The following PDE1C variants were observed in gnomAD, a reference collection of about 807,000 sequenced individuals.
PDE1C encodes the protein dual specificity calcium/calmodulin-dependent 3',5'-cyclic nucleotide phosphodiesterase 1C.
PDE1C carries 62 observed loss-of-function variants against 93.1 expected under a neutral mutation model. The ratio of observed to expected loss-of-function variants is 0.67; its 90% CI spans 0.54 to 0.82. The LOEUF is 0.82. PDE1C is among the 40% of genes least tolerant of loss of function. PDE1C has a pLI of 0.00. For missense variants in PDE1C, 742 were observed against 884.6 expected, an observed-to-expected ratio of 0.84 and a Z score of 2.04; for synonymous variants, 325 against 310.1, an observed-to-expected ratio of 1.05 and a Z score of -0.50.
intron 15 of PDE1C, among the ~76,000 whole-genome samples, chr7:31,811,096 A>G (rs1346464271): frequency 1.3e-5 from 2 of 152,118 alleles, no homozygotes; most frequent in Non-Finnish European, 2.9e-5. Context: ...TGTGGGAGGA[A>G]CCCAGTGGAA....
At chr7:31,665,311 A>G in the PDE1C span, among the ~76,000 whole-genome samples, 6 of 152,088 alleles carry the variant, frequency 3.9e-5, no homozygotes, top group African/African-American at 1.4e-4. Flanking sequence ...TCCTACACAC[A>G]TCTCTGCACA....
At chr7:31,749,481 G>T (rs779219342), downstream of PDE1C, among the ~76,000 whole-genome samples, 1 of 152,298 alleles carries the variant, frequency 6.6e-6, no homozygotes, top group South Asian at 2.1e-4. Flanking sequence ...GTTTGTCAGG[G>T]TGAGCTCACA....
chr7:32,350,104 C>CTTCCTT (rs397698767), intron 1 of PDE1C, among the ~76,000 whole-genome samples: 2 of 151,404 alleles, frequency 1.3e-5, no homozygotes, highest in African/African-American at 4.9e-5. Context: ...TCTTCTTCTT[C>CTTCCTT]CTTCTTCTTT....
At chr7:32,237,681 G>T (rs1217155999) in intron 1 of PDE1C, among the ~76,000 whole-genome samples, 1 of 147,588 alleles carries the variant, frequency 6.8e-6, no homozygotes, top group Non-Finnish European at 1.5e-5. Context: ...AGGTGAACAT[G>T]AGAATTCCCT....
At chr7:31,654,914 A>G in the PDE1C span, among the ~76,000 whole-genome samples, 1 of 152,038 alleles carries the variant, frequency 6.6e-6, no homozygotes, top group Non-Finnish European at 1.5e-5. Context: ...AAAGCCTTTG[A>G]CTCAGCGGGG....
chr7:32,105,703 T>G (rs1282330692), intron 3 of PDE1C, among the ~76,000 whole-genome samples: 2 of 34,322 alleles, frequency 5.8e-5, no homozygotes, highest in Non-Finnish European at 1.3e-4. Flanking sequence ...ACATCTGACT[T>G]TTTTTTTTTT....
the PDE1C span, chr7:31,653,393 C>T: frequency 6.5e-6 from 1 of 152,798 alleles, no homozygotes; most frequent in Non-Finnish European, 1.4e-5. Flanking sequence ...TGGATCTGCA[C>T]TTTTACAGAA....
the PDE1C span, among the ~76,000 whole-genome samples, chr7:31,665,533 A>G: frequency 6.6e-6 from 1 of 152,320 alleles, no homozygotes; most frequent in African/African-American, 2.4e-5. Context: ...TAATCAATCA[A>G]TATATTAACA....
intron 1 of PDE1C, among the ~76,000 whole-genome samples, chr7:32,261,729 C>T (rs62457468): frequency 0.12 from 17,837 of 152,206 alleles, 1,204 homozygotes; most frequent in African/African-American, 0.16. Context: ...TGTCTATAAA[C>T]GTTATAGTTA....
intron 1 of PDE1C, among the ~76,000 whole-genome samples, chr7:32,331,769 C>T (rs1374186726): frequency 6.6e-6 from 1 of 152,152 alleles, no homozygotes; most frequent in Non-Finnish European, 1.5e-5. Context: ...GGAAATAACT[C>T]CCAAGTTTGG....
intron 3 of PDE1C, among the ~76,000 whole-genome samples, chr7:32,127,196 A>G (rs1346928033): frequency 6.6e-6 from 1 of 152,138 alleles, no homozygotes; most frequent in Non-Finnish European, 1.5e-5. Flanking sequence ...GAATAATACC[A>G]TCTGCTCTCT....
chr7:32,182,145 G>A (rs1411943153), intron 2 of PDE1C, among the ~76,000 whole-genome samples: 3 of 152,176 alleles, frequency 2.0e-5, no homozygotes, highest in African/African-American at 4.8e-5. Context: ...CTCTGAAGTT[G>A]AGGCAATAAT....
intron 1 of PDE1C, among the ~76,000 whole-genome samples, chr7:32,421,223 C>G (rs892553997): frequency 2.6e-5 from 4 of 152,208 alleles, no homozygotes; most frequent in African/African-American, 9.6e-5. Flanking sequence ...CCTGAACCCT[C>G]TAAGGCCACA....
intron 6 of PDE1C, among the ~76,000 whole-genome samples, 171 bp from the exon 7 acceptor site, chr7:31,865,253 C>A (rs923737368): frequency 1.3e-5 from 2 of 152,172 alleles, no homozygotes; most frequent in African/African-American, 2.4e-5. Context: ...ATTTGAAAAT[C>A]TAACAGGAAG....
intron 2 of PDE1C, among the ~76,000 whole-genome samples, chr7:31,915,282 T>A (rs370462116): frequency 2.0e-5 from 3 of 152,138 alleles, no homozygotes; most frequent in East Asian, 3.9e-4. Context: ...CCTAAATGCG[T>A]TCCAGCAGCC....
At chr7:32,184,056 A>T (rs200681516) in intron 2 of PDE1C, among the ~76,000 whole-genome samples, 1 of 152,248 alleles carries the variant, frequency 6.6e-6, no homozygotes, top group Non-Finnish European at 1.5e-5. Context: ...AATGCTCATC[A>T]TCACTGGCCA....
intron 2 of PDE1C, among the ~76,000 whole-genome samples, chr7:31,959,494 G>A (rs142496677): frequency 6.1e-4 from 93 of 152,262 alleles, no homozygotes; most frequent in East Asian, 5.8e-4. Flanking sequence ...AATTACAGGC[G>A]TGAGCCACTG....
intron 6 of PDE1C, among the ~76,000 whole-genome samples, chr7:31,872,565 A>C (rs1164160587): frequency 6.6e-6 from 1 of 152,164 alleles, no homozygotes; most frequent in Non-Finnish European, 1.5e-5. Flanking sequence ...CCCTAGGAGA[A>C]AATAAAGAAC....
At chr7:31,898,499 C>T (rs114712081) in intron 2 of PDE1C, among the ~76,000 whole-genome samples, 3,010 of 152,220 alleles carry the variant, frequency 0.02, 43 homozygotes, top group South Asian at 0.026. Flanking sequence ...TCTAAATATA[C>T]ATATCATAAT....
Sources: allele counts gnomAD v4.1 joint callset (sites outside exome capture counted in the v4.1 genomes callset), GRCh38; gene constraint gnomAD v4.1.1; transcripts MANE v1.5; gene names NCBI Gene and HGNC (gene_info 2026-07-23, HGNC 2026-07-21).